Variants in PPIF observed in about 807,000 individuals in gnomAD.
The protein encoded by PPIF is peptidyl-prolyl cis-trans isomerase F, mitochondrial.
A neutral mutation model predicts 20.2 loss-of-function variants in PPIF; 23 were observed. That is an observed-to-expected ratio of 1.14 (90% CI 0.82 to 1.61). The LOEUF is 1.61. PPIF is among the 40% of genes most tolerant of loss of function. The pLI is 0.00. For missense variants in PPIF, 287 were observed against 291.6 expected, an observed-to-expected ratio of 0.98 and a Z score of 0.11; for synonymous variants, 113 against 123.1, an observed-to-expected ratio of 0.92 and a Z score of 0.54.
intron 5 of PPIF, among the ~76,000 whole-genome samples, chr10:79,353,393 C>T (rs1047017732): frequency 2.0e-5 from 3 of 152,252 alleles, no homozygotes; most frequent in African/African-American, 7.2e-5. Context: ...CAGAGCATTT[C>T]AGTATCCTGT....
intron 3 of PPIF, 44 bp downstream of exon 3, chr10:79,349,797 C>T (rs375339805): frequency 1.9e-6 from 3 of 1,611,960 alleles, no homozygotes; most frequent in Non-Finnish European, 2.5e-6. Context: ...AGAGCAGGAG[C>T]TGCCTTGTGG....
At position 79,354,082 on chromosome 10, in the gene PPIF, C is replaced by A; in HGVS notation, c.*240C>A. ...ATCTTTGTGGACATGATGTCACCCA[C>A]CCCTTGTCAAGCATTGCCTGTGATT... is the stretch of plus-strand genomic sequence containing the variant. On this transcript the variant is annotated 3_prime_UTR_variant, in exon 6 of 6. Transcript: ENST00000225174. The A allele has an allele frequency of 3.7e-6, 2 of 538,158 alleles. No homozygotes were observed. The highest frequency in any genetic ancestry group is 6.7e-6 in the Non-Finnish European group (2 of 299,044). The allele number at this position is 538,158 out of a possible 1,614,324, so 33.3% of individuals were successfully genotyped here.
rs1427606554 is a variant in PPIF, at chr10:79,353,826, G to A, written c.608G>A (p.Cys203Tyr). The A allele has an allele frequency of 6.2e-7, 1 of 1,613,854 alleles. No individual in the cohort carries two copies. Among genetic ancestry groups the A allele is most frequent in the East Asian group, 2.2e-5 (1 of 44,884 alleles). The part of the protein sequence containing the change: ...RTSKKIVITD[C>Y]GQLS ...TCCAAGAAGATTGTCATCACAGACTGTGGCCAGTTGAGCTAATCTGTGGCC... is the reference window on the plus strand; with the variant it reads ...TCCAAGAAGATTGTCATCACAGACTATGGCCAGTTGAGCTAATCTGTGGCC... The change falls in exon 6 of 6, where the codon TGT (cysteine) becomes TAT (tyrosine). Residue 203 changes from cysteine (C) to tyrosine (Y), a missense_variant. Cys to Tyr is a radical substitution (Grantham distance 194). Coordinates refer to ENST00000225174, the MANE Select transcript of PPIF (RefSeq NM_005729.4).
At chr10:79,351,722 G>A (rs1188175323) in intron 4 of PPIF, 139 bp downstream of exon 4, 12 of 703,742 alleles carry the variant, frequency 1.7e-5, no homozygotes, top group Admixed American at 3.3e-5. Context: ...ACTGTAGGCT[G>A]TCTCAGCATT....
At position 79,347,805 on chromosome 10, in the gene PPIF, C is replaced by T. The variant is rs1855920178; in HGVS notation, c.195+62C>T. 2.4e-6 allele frequency: 3 copies of T among 1,245,036 alleles called. 1 individual carries two copies. The East Asian group carries it at 9.7e-5, about 40-fold the overall frequency. The allele number at this position is 1,245,036 out of a possible 1,614,324, so 77.1% of individuals were successfully genotyped here. On this transcript the variant is annotated intron_variant, in intron 1 of 5. Coordinates refer to ENST00000225174, the MANE Select transcript of PPIF (RefSeq NM_005729.4). ...ACGGGCCCGGGGAGAGCCCTGGGCC[C>T]CGGGCGGCGCGGTGCCGGGCGCGCT...
rs2230224 is a variant in PPIF at position 79,353,779 on chromosome 10, C to T, written c.561C>T (p.Phe187=). The part of the protein sequence containing the change: ...GMDVVKKIES[F]GSKSGRTSKK... ...ACGTCGTGAAGAAAATAGAATCTTT[C>T]GGCTCTAAGAGTGGGAGGACATCCA... Residue 187 remains phenylalanine, a synonymous_variant, in exon 6 of 6, where the codon TTC becomes TTT. Coordinates refer to ENST00000225174, the MANE Select transcript of PPIF (RefSeq NM_005729.4). The T allele has an allele frequency of 8.4e-4, 1,354 of 1,614,208 alleles. 4 individuals carry two copies. In the African/African-American group the frequency reaches 0.011, roughly 13 times the overall value.
chr10:79,353,541 T>C lies in PPIF; in HGVS notation c.489-166T>C, dbSNP rs1008937162. ...AAGCCAGGCATCCTCTGGGGTGTAT[T>C]TGGGGCGCTCAACAAGGCTTGATCG... is the stretch of plus-strand genomic sequence containing the variant. On this transcript the variant is annotated intron_variant, in intron 5 of 5. Transcript: ENST00000225174. 9.8e-6 allele frequency: 12 copies of C among 1,224,664 alleles called. No homozygotes were observed. In the African/African-American group the frequency reaches 1.5e-4, roughly 15 times the overall value. The allele number at this position is 1,224,664 out of a possible 1,614,324, so 75.9% of individuals were successfully genotyped here.
At chr10:79,348,859 A>G (rs1019056386) in intron 1 of PPIF, among the ~76,000 whole-genome samples, 2 of 152,204 alleles carry the variant, frequency 1.3e-5, no homozygotes, top group Non-Finnish European at 2.9e-5. Flanking sequence ...CAGATTAGGA[A>G]ACCAAGGCCA....
At chr10:79,352,221 T>C in intron 4 of PPIF, 96 bp from the exon 5 acceptor site, 1 of 1,089,100 alleles carries the variant, frequency 9.2e-7, no homozygotes, top group Non-Finnish European at 1.4e-6. Flanking sequence ...CAGACTCGAA[T>C]GTCCCTGGTG....
In PPIF at chr10:79,353,855, G is replaced by T. The variant is rs762914987; in HGVS notation, c.*13G>T. 14 of 1,613,238 alleles carry T rather than the reference G, an allele frequency of 8.7e-6. No individual in the cohort carries two copies. Among genetic ancestry groups the T allele is most frequent in the Non-Finnish European group, 1.2e-5 (14 of 1,179,338 alleles). On this transcript the variant is annotated 3_prime_UTR_variant, in exon 6 of 6. Transcript: ENST00000225174. Reference sequence around the variant, plus strand: ...CCAGTTGAGCTAATCTGTGGCCAGGGTGCTGGCATGGTGGCAGCTGCAAAT... The same window carrying T: ...CCAGTTGAGCTAATCTGTGGCCAGGTTGCTGGCATGGTGGCAGCTGCAAAT...
chr10:79,352,068 C>T (rs536230485), intron 4 of PPIF, among the ~76,000 whole-genome samples: 3 of 152,144 alleles, frequency 2.0e-5, no homozygotes, highest in South Asian at 2.1e-4. Context: ...CCCCAGGTCC[C>T]GCCCCAGCTC....
intron 3 of PPIF, chr10:79,350,124 A>G: frequency 4.3e-6 from 1 of 230,572 alleles, no homozygotes; most frequent in South Asian, 6.5e-5. Context: ...GAGATAAGAG[A>G]GGGAGAGAGA....
Position 79,347,558 on chromosome 10 carries a change from C to G in PPIF, c.10C>G (p.Leu4Val). ...CCGACCCGCGCCCGCGATGCTGGCG[C>G]TGCGCTGCGGCTCCCGCTGGCTCGG... MLALRCGSRWLGLL... is the reference protein window; with the variant it reads MLAVRCGSRWLGLL... Residue 4 changes from leucine to valine, a missense_variant, in exon 1 of 6, where the codon CTG (leucine) becomes GTG (valine). Coordinates refer to ENST00000225174, the MANE Select transcript of PPIF (RefSeq NM_005729.4). 7.5e-7 allele frequency: 1 copy of G among 1,330,844 alleles called. No homozygotes were observed. The highest frequency in any genetic ancestry group is 9.6e-7 in the Non-Finnish European group (1 of 1,043,990). 82.4% of individuals were successfully genotyped at this position (1,330,844 alleles called of 1,614,324 possible). A position where few individuals can be genotyped will look rare whatever the true frequency, so the allele number is the denominator to read the frequency against.
chr10:79,349,386 G>T (rs931582239), intron 2 of PPIF, among the ~76,000 whole-genome samples: 1 of 152,256 alleles, frequency 6.6e-6, no homozygotes, highest in Non-Finnish European at 1.5e-5. Context: ...GGTGCCCAGT[G>T]AGGCAGGGTG....
At chr10:79,352,895 G>T (rs1349199718) in intron 5 of PPIF, among the ~76,000 whole-genome samples, 7 of 152,228 alleles carry the variant, frequency 4.6e-5, no homozygotes, top group Non-Finnish European at 1.0e-4. Flanking sequence ...GGCCTGTAAG[G>T]GCCCTGTTTT....
At chr10:79,353,253 C>T (rs1856005279) in intron 5 of PPIF, among the ~76,000 whole-genome samples, 1 of 152,258 alleles carries the variant, frequency 6.6e-6, no homozygotes, top group Admixed American at 6.5e-5. Context: ...CCGCCTTTTA[C>T]ATTATTGGAC....
chr10:79,347,539 C>T lies in PPIF; in HGVS notation c.-10C>T. 7.7e-7 allele frequency: 1 copy of T among 1,299,730 alleles called. No homozygotes were observed. 80.5% of individuals were successfully genotyped at this position (1,299,730 alleles called of 1,614,324 possible). A position where few individuals can be genotyped will look rare whatever the true frequency, so the allele number is the denominator to read the frequency against. ...CTCCCCGCCCGTGTCCCGCCCGACC[C>T]GCGCCCGCGATGCTGGCGCTGCGCT... On this transcript the variant is annotated 5_prime_UTR_variant, in exon 1 of 6. Coordinates refer to ENST00000225174, the MANE Select transcript of PPIF (RefSeq NM_005729.4).
rs908367798 is a variant in PPIF, at chr10:79,347,507, C to A, written c.-42C>A. 1.6e-6 allele frequency: 2 copies of A among 1,275,538 alleles called. No individual in the cohort carries two copies. Among genetic ancestry groups the A allele is most frequent in the East Asian group, 3.2e-5 (1 of 31,182 alleles). 79.0% of individuals were successfully genotyped at this position (1,275,538 alleles called of 1,614,324 possible). Reference sequence around the variant, plus strand: ...GGCGCGCGCGACGTCAGTTTGAGTTCTGTGTTCTCCCCGCCCGTGTCCCGC... The same window carrying A: ...GGCGCGCGCGACGTCAGTTTGAGTTATGTGTTCTCCCCGCCCGTGTCCCGC... On this transcript the variant is annotated 5_prime_UTR_variant, in exon 1 of 6. In the 5' UTR this introduces an upstream ATG that the reference lacks. Transcript: ENST00000225174.
At position 79,351,386 on chromosome 10, in the gene PPIF, C is replaced by G. The variant is rs1034861438; in HGVS notation, c.316-101C>G. The G allele has an allele frequency of 3.0e-6, 3 of 1,006,852 alleles. No individual in the cohort carries two copies. In the African/African-American group the frequency reaches 4.9e-5, roughly 16 times the overall value. 62.4% of individuals were successfully genotyped at this position (1,006,852 alleles called of 1,614,324 possible). On this transcript the variant is annotated intron_variant, in intron 3 of 5. Transcript: ENST00000225174. ...ATTGACCCCTTTACCTGAGGGGCGC[C>G]AACTGGGTGGGCTTGGGTGGGCTGA...
Sources: allele counts gnomAD v4.1 joint callset (sites outside exome capture counted in the v4.1 genomes callset), GRCh38; gene constraint gnomAD v4.1.1; transcripts MANE v1.5; gene names NCBI Gene and HGNC (gene_info 2026-07-23, HGNC 2026-07-21).